Variants in RAB3A observed in about 807,000 individuals in gnomAD.
The protein encoded by RAB3A is RAB3A, member RAS oncogene family.
In RAB3A, 5 loss-of-function variants were observed where a neutral mutation model predicts 19.7. The ratio of observed to expected loss-of-function variants is 0.25; its 90% CI spans 0.13 to 0.53. The LOEUF (loss-of-function observed/expected upper bound fraction) is 0.53. RAB3A is among the 20% of genes least tolerant of loss of function. The pLI, the probability that RAB3A is intolerant of heterozygous loss-of-function variation, is 0.95. For synonymous variants in RAB3A, 119 were observed against 122.1 expected, an observed-to-expected ratio of 0.97 and a Z score of 0.17; for missense variants, 189 against 305.6, an observed-to-expected ratio of 0.62 and a Z score of 2.85.
At chr19:18,201,702 C>G (rs889955470) in intron 2 of RAB3A, among the ~76,000 whole-genome samples, 3 of 152,170 alleles carry the variant, frequency 2.0e-5, no homozygotes, top group Non-Finnish European at 2.9e-5. Flanking sequence ...TGCTAAGTGA[C>G]ACTCAGTGTG....
chr19:18,198,661 GC>G, intron 4 of RAB3A, 63 bp downstream of exon 4: 1 of 1,596,574 alleles, frequency 6.3e-7, no homozygotes. Flanking sequence ...TTGGGTGTGT[GC>G]CCTCCCCTCT....
At chr19:18,201,939 T>C (rs1418983873) in intron 2 of RAB3A, among the ~76,000 whole-genome samples, 1 of 151,858 alleles carries the variant, frequency 6.6e-6, no homozygotes, top group African/African-American at 2.4e-5. Context: ...CTCTGTCTCT[T>C]AAAACTAACA....
At chr19:18,201,601 C>T (rs1056453081) in intron 2 of RAB3A, among the ~76,000 whole-genome samples, 3 of 151,972 alleles carry the variant, frequency 2.0e-5, no homozygotes, top group African/African-American at 7.3e-5. Flanking sequence ...AACAAACAAA[C>T]AAATAAACAA....
Position 18,202,364 on chromosome 19 carries a change from G to A in RAB3A, c.228+149C>T, listed in dbSNP as rs909709974. On this transcript the variant is annotated intron_variant, in intron 2 of 4. Coordinates refer to ENST00000222256, the MANE Select transcript of RAB3A (RefSeq NM_002866.5). The surrounding 1 kb of genome is among the most constrained non-coding windows in gnomAD (Gnocchi z 4.2). Reference sequence around the variant, plus strand: ...ATGGGAGAACACAGGTGCTGTTTCTGCCCCGGTACACAGTGGGCACCTTAC... The same window carrying A: ...ATGGGAGAACACAGGTGCTGTTTCTACCCCGGTACACAGTGGGCACCTTAC... 3.0e-6 allele frequency: 2 copies of A among 669,052 alleles called. No homozygotes were observed. Among genetic ancestry groups the A allele is most frequent in the African/African-American group, 3.6e-5 (2 of 55,288 alleles). 41.4% of individuals were successfully genotyped at this position (669,052 alleles called of 1,614,324 possible).
At chr19:18,198,670 T>A in intron 4 of RAB3A, 55 bp downstream of exon 4, 1 of 1,605,442 alleles carries the variant, frequency 6.2e-7, no homozygotes, top group Non-Finnish European at 8.5e-7. Flanking sequence ...TGCCCTCCCC[T>A]CTCTTAGTGT....
chr19:18,197,373 G>A lies in RAB3A; in HGVS notation c.*97C>T, dbSNP rs1009317231. On this transcript the variant is annotated 3_prime_UTR_variant, in exon 5 of 5. Coordinates refer to ENST00000222256, the MANE Select transcript of RAB3A (RefSeq NM_002866.5). The stretch of plus-strand genomic sequence containing the variant: ...GGTGACGGGCTAAGTCAGGAGCAGG[G>A]GTCTTGTGCCCGTGGCTGGTAGGGG... 33 of 1,099,442 alleles carry A rather than the reference G, an allele frequency of 3.0e-5. 1 individual carries two copies. The highest frequency in any genetic ancestry group is 2.5e-4 in the South Asian group (18 of 71,514). The allele number at this position is 1,099,442 out of a possible 1,614,324, so 68.1% of individuals were successfully genotyped here. A position where few individuals can be genotyped will look rare whatever the true frequency, so the allele number is the denominator to read the frequency against.
At chr19:18,203,564 G>A (rs1234505685) in intron 1 of RAB3A, among the ~76,000 whole-genome samples, 1 of 152,170 alleles carries the variant, frequency 6.6e-6, no homozygotes, top group Non-Finnish European at 1.5e-5. Context: ...AAGCAAGGGT[G>A]CACACAGACC....
Position 18,202,656 on chromosome 19 carries a change from C to T in RAB3A, c.85G>A (p.Gly29Ser). Residue 29 changes from glycine to serine, a missense_variant, in exon 2 of 5, where the codon GGC (glycine) becomes AGC (serine). Transcript: ENST00000222256. The surrounding 1 kb of genome is among the most constrained non-coding windows in gnomAD (Gnocchi z 4.2). ...FDYMFKILII[G>S]NSSVGKTSFL... ...GACGTCTTGCCCACGCTGCTGTTGC[C>T]GATGATGAGAATCTTGAACATGTAG... The T allele has an allele frequency of 6.2e-7, 1 of 1,614,114 alleles. No homozygotes were observed. Among genetic ancestry groups the T allele is most frequent in the Non-Finnish European group, 8.5e-7 (1 of 1,180,032 alleles).
chr19:18,202,788 C>G lies in RAB3A; in HGVS notation c.1-48G>C, dbSNP rs374714100. On this transcript the variant is annotated intron_variant, in intron 1 of 4. Coordinates refer to ENST00000222256, the MANE Select transcript of RAB3A (RefSeq NM_002866.5). This position sits in a 1 kb window ranked among gnomAD's most constrained non-coding sequence, Gnocchi z 4.2. ...AGCCGTGAGGGGGGCTCTCTCCATCCTCATGTGCCCAAGCCCAGGCAGAAG... is the reference window on the plus strand; with the variant it reads ...AGCCGTGAGGGGGGCTCTCTCCATCGTCATGTGCCCAAGCCCAGGCAGAAG... 3 of 1,494,454 alleles carry G rather than the reference C, an allele frequency of 2.0e-6. No homozygotes were observed. In the Admixed American group the frequency reaches 5.1e-5, roughly 25 times the overall value. 92.6% of individuals were successfully genotyped at this position (1,494,454 alleles called of 1,614,324 possible).
In RAB3A at chr19:18,197,736, AG is replaced by A; in HGVS notation, c.473-77del. On this transcript the variant is annotated intron_variant, in intron 4 of 4. Transcript: ENST00000222256. ...CTCCCAGAGATGCTTCTCTGAGGAA[AG>A]GGAACACCTGGAGATTCCCAGTGCC... 2.3e-6 allele frequency: 3 copies of A among 1,313,830 alleles called. No homozygotes were observed. In the East Asian group the frequency reaches 7.3e-5, roughly 32 times the overall value. The allele number at this position is 1,313,830 out of a possible 1,614,324, so 81.4% of individuals were successfully genotyped here. A position where few individuals can be genotyped will look rare whatever the true frequency, so the allele number is the denominator to read the frequency against.
chr19:18,200,629 CAG>C lies in RAB3A; in HGVS notation c.229-186_229-185del, dbSNP rs570420591. The stretch of plus-strand genomic sequence containing the variant: ...AATATATGAGTGCTCCATTATTCCA[CAG>C]AGTCATTCACCAAACGTACTGTGCC... On this transcript the variant is annotated intron_variant, in intron 2 of 4. Transcript: ENST00000222256. Among the ~76,000 whole-genome samples the C allele has an allele frequency of 1.5e-3, 229 of 152,172 alleles. 2 individuals are homozygous for C. Among genetic ancestry groups the C allele is most frequent in the African/African-American group, 5.4e-3 (223 of 41,554 alleles).
rs751357816 is a variant in RAB3A at position 18,202,645 on chromosome 19, G to A, written c.96C>T (p.Ser32=). The A allele has an allele frequency of 1.9e-6, 3 of 1,614,158 alleles. No homozygotes were observed. The highest frequency in any genetic ancestry group is 4.5e-5 in the East Asian group (2 of 44,878). The change falls in exon 2 of 5, where the codon AGC becomes AGT. Residue 32 remains serine, a synonymous_variant. Coordinates refer to ENST00000222256, the MANE Select transcript of RAB3A (RefSeq NM_002866.5). This position sits in a 1 kb window ranked among gnomAD's most constrained non-coding sequence, Gnocchi z 4.2. The part of the protein sequence containing the change: ...MFKILIIGNS[S]VGKTSFLFRY... ...GGAAGAGGAAGGACGTCTTGCCCAC[G>A]CTGCTGTTGCCGATGATGAGAATCT...
intron 4 of RAB3A, among the ~76,000 whole-genome samples, chr19:18,197,963 C>T (rs1023864434): frequency 6.8e-6 from 1 of 147,106 alleles, no homozygotes. Context: ...ACTGCAGTCT[C>T]GACCTCCTGG....
chr19:18,202,410 A>G lies in RAB3A; in HGVS notation c.228+103T>C. On this transcript the variant is annotated intron_variant, in intron 2 of 4. Coordinates refer to ENST00000222256, the MANE Select transcript of RAB3A (RefSeq NM_002866.5). The surrounding 1 kb of genome is among the most constrained non-coding windows in gnomAD (Gnocchi z 4.2). ...CTTACTGATAAATGCCCAGTGTGTA[A>G]GTGAATGACTCCAGTCAGGAAAGAG... 2 of 1,066,616 alleles carry G rather than the reference A, an allele frequency of 1.9e-6. No homozygotes were observed. The allele number at this position is 1,066,616 out of a possible 1,614,324, so 66.1% of individuals were successfully genotyped here.
Position 18,197,285 on chromosome 19 carries a change from G to A in RAB3A, c.*185C>T. The A allele has an allele frequency of 1.6e-6, 1 of 606,544 alleles. No homozygotes were observed. The highest frequency in any genetic ancestry group is 2.8e-6 in the Non-Finnish European group (1 of 356,100). 37.6% of individuals were successfully genotyped at this position (606,544 alleles called of 1,614,324 possible). On this transcript the variant is annotated 3_prime_UTR_variant, in exon 5 of 5. Transcript: ENST00000222256. ...GAGGGGCAGGGCTTGGGGCGGGCAG[G>A]GGAGCCTGGGCCCCTGGGGGACATC...
In RAB3A at chr19:18,200,392, G is replaced by C. The variant is rs776171538; in HGVS notation, c.282C>G (p.Gly94=). 13 of 1,614,036 alleles carry C rather than the reference G, an allele frequency of 8.1e-6. No individual in the cohort carries two copies. In the East Asian group the frequency reaches 2.9e-4, roughly 36 times the overall value. The change falls in exon 3 of 5, where the codon GGC becomes GGG. Residue 94 remains glycine (G), a synonymous_variant. Coordinates refer to ENST00000222256, the MANE Select transcript of RAB3A (RefSeq NM_002866.5). ...CATACATGAGGATGAAGCCCATAGC[G>C]CCCCGGTAGTATGCGGTGGTGATGG... ...YRTITTAYYR[G]AMGFILMYDI... is the part of the protein sequence containing the mutation.
intron 1 of RAB3A, among the ~76,000 whole-genome samples, 178 bp downstream of exon 1, chr19:18,203,718 G>GGGGGTT: frequency 6.6e-6 from 1 of 152,188 alleles, no homozygotes; most frequent in Non-Finnish European, 1.5e-5. Flanking sequence ...GGTTAGTGGT[G>GGGGGTT]AGGATCAGGC....
intron 2 of RAB3A, among the ~76,000 whole-genome samples, chr19:18,201,847 T>C (rs1967617634): frequency 6.6e-6 from 1 of 152,176 alleles, no homozygotes. Flanking sequence ...CACTTGCCTG[T>C]ACTCCCAGCT....
chr19:18,197,768 AC>A, intron 4 of RAB3A, 108 bp from the exon 5 acceptor site: 1 of 267,914 alleles, frequency 3.7e-6, no homozygotes, highest in Non-Finnish European at 6.1e-6. Flanking sequence ...GTGCCAAGCA[AC>A]TTATTGAAGG....
Sources: gnomAD v4.1 joint callset for allele counts (sites outside exome capture counted in the v4.1 genomes callset) on GRCh38, gnomAD v4.1.1 for gene constraint, Gnocchi (gnomAD v3.1) non-coding constraint, MANE v1.5 for transcripts, NCBI Gene and HGNC (gene_info 2026-07-23, HGNC 2026-07-21) for gene names.